The following COL8A1 variants were observed in gnomAD, a reference collection of about 807,000 sequenced individuals.
COL8A1 encodes collagen alpha-1(VIII) chain.
Under a neutral mutation model 42.7 loss-of-function variants are expected in COL8A1, and 21 were observed. The observed-to-expected ratio is 0.49, with a 90% confidence interval of 0.35 to 0.71. The LOEUF (loss-of-function observed/expected upper bound fraction) is 0.71. Among genes scored for constraint, COL8A1 ranks in the 30% least tolerant of loss-of-function variants. COL8A1 has a pLI of 0.01. For missense variants in COL8A1, 788 were observed against 962.4 expected, an observed-to-expected ratio of 0.82 and a Z score of 2.40; for synonymous variants, 367 against 369.1, an observed-to-expected ratio of 0.99 and a Z score of 0.06.
intron 1 of COL8A1, among the ~76,000 whole-genome samples, chr3:99,670,950 G>C (rs564906379): frequency 6.6e-6 from 1 of 151,868 alleles, no homozygotes; most frequent in Non-Finnish European, 1.5e-5. Flanking sequence ...TCCGGGGTGT[G>C]TGTGTGTGTG....
chr3:99,723,858 T>A (rs1275578964), intron 1 of COL8A1, among the ~76,000 whole-genome samples: 1 of 151,976 alleles, frequency 6.6e-6, no homozygotes, highest in African/African-American at 2.4e-5. Context: ...CCACACAAAT[T>A]CTCTTCATCT....
At position 99,791,020 on chromosome 3, in the gene COL8A1, T is replaced by C. The variant is rs1941990485; in HGVS notation, c.328+10T>C. On this transcript the variant is annotated intron_variant, in intron 3 of 3. Transcript: ENST00000652472. ...CCCAAGAAAGGCAAAGGTAACATCA[T>C]ACTCCCAGGCTGTTATAAAACAACA... The C allele has an allele frequency of 1.9e-6, 3 of 1,602,844 alleles. No homozygotes were observed. Among genetic ancestry groups the C allele is most frequent in the South Asian group, 2.2e-5 (2 of 90,478 alleles).
chr3:99,664,495 A>T (rs571536972), intron 1 of COL8A1, among the ~76,000 whole-genome samples: 3 of 152,110 alleles, frequency 2.0e-5, no homozygotes, highest in African/African-American at 7.2e-5. Context: ...AAAAAAAATA[A>T]AATAAAAAAA....
chr3:99,670,435 G>A (rs1938507942), intron 1 of COL8A1, among the ~76,000 whole-genome samples: 1 of 151,914 alleles, frequency 6.6e-6, no homozygotes, highest in African/African-American at 2.4e-5. Flanking sequence ...AGAGAAAGCT[G>A]GTGAGTCTTA....
chr3:99,753,395 G>A (rs186616075), intron 2 of COL8A1, among the ~76,000 whole-genome samples: 9 of 152,320 alleles, frequency 5.9e-5, no homozygotes, highest in African/African-American at 2.2e-4. Flanking sequence ...GTGCCTATGG[G>A]TGAGCCCCAA....
At chr3:99,711,936 C>T (rs1939846249) in intron 1 of COL8A1, among the ~76,000 whole-genome samples, 1 of 152,062 alleles carries the variant, frequency 6.6e-6, no homozygotes, top group Non-Finnish European at 1.5e-5. Flanking sequence ...TTGATGCTAT[C>T]AGTAAATAGA....
chr3:99,721,878 A>C (rs1486616891), intron 1 of COL8A1, among the ~76,000 whole-genome samples: 1 of 150,638 alleles, frequency 6.6e-6, no homozygotes, highest in Non-Finnish European at 1.5e-5. Flanking sequence ...AGATTGCAGC[A>C]CTGGGTTTTT....
intron 2 of COL8A1, among the ~76,000 whole-genome samples, chr3:99,768,156 A>G (rs527974022): frequency 6.6e-6 from 1 of 152,348 alleles, no homozygotes; most frequent in South Asian, 2.1e-4. Flanking sequence ...ATTCCTGGAT[A>G]AGGGGCTCCC....
intron 1 of COL8A1, among the ~76,000 whole-genome samples, chr3:99,728,451 A>G (rs1422785799): frequency 6.6e-6 from 1 of 152,024 alleles, no homozygotes; most frequent in Non-Finnish European, 1.5e-5. Context: ...ACCAAAATAC[A>G]CTTGAAATTT....
chr3:99,681,472 T>TA (rs1013430172), intron 1 of COL8A1, among the ~76,000 whole-genome samples: 2 of 151,976 alleles, frequency 1.3e-5, no homozygotes, highest in African/African-American at 2.4e-5. Flanking sequence ...AGGGAGGAAT[T>TA]AAAAAAAAGA....
At chr3:99,712,571 T>C (rs1197565220) in intron 1 of COL8A1, among the ~76,000 whole-genome samples, 2 of 152,130 alleles carry the variant, frequency 1.3e-5, no homozygotes, top group Non-Finnish European at 2.9e-5. Context: ...AACACAACAT[T>C]TCCTTTTCTG....
At chr3:99,689,066 G>A (rs974599032) in intron 1 of COL8A1, among the ~76,000 whole-genome samples, 10 of 152,154 alleles carry the variant, frequency 6.6e-5, no homozygotes, top group Admixed American at 6.5e-4. Context: ...TATTGTAATG[G>A]CCCCTTTAAG....
At chr3:99,771,100 GAGA>G (rs1423413802) in intron 2 of COL8A1, among the ~76,000 whole-genome samples, 1 of 152,192 alleles carries the variant, frequency 6.6e-6, no homozygotes, top group Admixed American at 6.5e-5. Flanking sequence ...AAAGAACAGA[GAGA>G]AGGTCAGTGT....
At chr3:99,740,759 T>C (rs1327491857) in intron 1 of COL8A1, among the ~76,000 whole-genome samples, 2 of 152,228 alleles carry the variant, frequency 1.3e-5, no homozygotes, top group Non-Finnish European at 2.9e-5. Context: ...TCAGTCTATG[T>C]GTCCATACCA....
intron 1 of COL8A1, among the ~76,000 whole-genome samples, chr3:99,659,353 T>G (rs62281833): frequency 0.095 from 14,472 of 152,224 alleles, 846 homozygotes; most frequent in Middle Eastern, 0.12. Flanking sequence ...TCCCTGTTTG[T>G]GGCATGGGCC....
At chr3:99,649,887 A>C (rs972271805) in intron 1 of COL8A1, among the ~76,000 whole-genome samples, 15 of 152,220 alleles carry the variant, frequency 9.9e-5, no homozygotes, top group African/African-American at 3.4e-4. Flanking sequence ...ATGGTATTCT[A>C]ATATTAATAT....
rs1392204471 is a variant in COL8A1 at position 99,651,473 on chromosome 3, A to G, written c.-129+12809A>G. Among the ~76,000 whole-genome samples, 28 of 152,242 alleles carry G rather than the reference A, an allele frequency of 1.8e-4. 1 individual carries two copies. Among genetic ancestry groups the G allele is most frequent in the Admixed American group, 1.8e-3 (28 of 15,290 alleles). ...AACCTGAAACACTGCGAAGAAGGCT[A>G]AGCTCTCCGCCAGCAGGTCAGCGGA... On this transcript the variant is annotated intron_variant, in intron 1 of 3. Coordinates refer to ENST00000652472, the MANE Select transcript of COL8A1 (RefSeq NM_020351.4).
chr3:99,667,564 G>A (rs939622280), intron 1 of COL8A1, among the ~76,000 whole-genome samples: 5 of 152,032 alleles, frequency 3.3e-5, no homozygotes, highest in Admixed American at 1.3e-4. Flanking sequence ...CTATTCTAAC[G>A]TATTGTCAGT....
intron 1 of COL8A1, among the ~76,000 whole-genome samples, chr3:99,737,362 G>T (rs1480092551): frequency 2.0e-5 from 3 of 151,926 alleles, no homozygotes; most frequent in Non-Finnish European, 2.9e-5. Flanking sequence ...GCAGCGGCTG[G>T]TACCGGTTGT....
Sources: gnomAD v4.1 joint callset for allele counts (sites outside exome capture counted in the v4.1 genomes callset) on GRCh38, gnomAD v4.1.1 for gene constraint, MANE v1.5 for transcripts, NCBI Gene and HGNC (gene_info 2026-07-23, HGNC 2026-07-21) for gene names.